Variants in COL23A1 observed in about 807,000 individuals in gnomAD.
The protein encoded by COL23A1 is collagen type XXIII alpha 1 chain.
A neutral mutation model predicts 99.3 loss-of-function variants in COL23A1; 97 were observed. That is an observed-to-expected ratio of 0.98 (90% CI 0.83 to 1.16). The LOEUF (loss-of-function observed/expected upper bound fraction) is 1.16. Ranked by LOEUF, COL23A1 falls within the 50% of genes most tolerant of loss-of-function variation. The probability of loss-of-function intolerance (pLI) is 0.00; values close to 1 mark genes in which losing one functional copy is unlikely to be tolerated. For missense variants in COL23A1, 762 were observed against 757.4 expected (o/e 1.01, Z -0.07); for synonymous variants, 320 against 308.2 (o/e 1.04, Z -0.40).
At chr5:178,345,613 T>C (rs1760923191) in intron 2 of COL23A1, among the ~76,000 whole-genome samples, 3 of 151,740 alleles carry the variant, frequency 2.0e-5, no homozygotes, top group South Asian at 4.2e-4. Flanking sequence ...GCCTCCTGGG[T>C]TCACGCCATT....
chr5:178,419,382 G>A (rs953932656), intron 2 of COL23A1, among the ~76,000 whole-genome samples: 1 of 152,222 alleles, frequency 6.6e-6, no homozygotes, highest in Non-Finnish European at 1.5e-5. Flanking sequence ...TCTCTCCCAT[G>A]CAAAGCTGAG....
chr5:178,464,038 C>T (rs1040323920), intron 2 of COL23A1, among the ~76,000 whole-genome samples: 5 of 152,190 alleles, frequency 3.3e-5, no homozygotes, highest in Non-Finnish European at 5.9e-5. Context: ...GTTCACCTAC[C>T]CCCTTTTACT....
At chr5:178,278,894 G>A (rs1756738985) in intron 5 of COL23A1, among the ~76,000 whole-genome samples, 1 of 152,130 alleles carries the variant, frequency 6.6e-6, no homozygotes, top group Non-Finnish European at 1.5e-5. Flanking sequence ...CAGCTGTGAC[G>A]CGCTGGGCCA....
intron 3 of COL23A1, among the ~76,000 whole-genome samples, chr5:178,292,065 T>C (rs1470391593): frequency 6.6e-6 from 1 of 152,168 alleles, no homozygotes; most frequent in East Asian, 1.9e-4. Flanking sequence ...TGTATACATC[T>C]GTGCCTGTAC....
chr5:178,436,458 G>A (rs1034579660), intron 2 of COL23A1, among the ~76,000 whole-genome samples: 1 of 152,156 alleles, frequency 6.6e-6, no homozygotes, highest in African/African-American at 2.4e-5. Context: ...AGGAAGAGCA[G>A]GTGCAGAGGG....
At chr5:178,404,332 G>A (rs1260313919) in intron 2 of COL23A1, among the ~76,000 whole-genome samples, 1 of 152,174 alleles carries the variant, frequency 6.6e-6, no homozygotes, top group Non-Finnish European at 1.5e-5. Context: ...CACAGGTGTG[G>A]ATGCAGCAAG....
intron 2 of COL23A1, among the ~76,000 whole-genome samples, chr5:178,483,924 C>T (rs567334281): frequency 6.6e-6 from 1 of 152,262 alleles, no homozygotes; most frequent in African/African-American, 2.4e-5. Flanking sequence ...GGTACCGGCT[C>T]TGTGCTAGGC....
chr5:178,369,745 G>GC (rs34903668), intron 2 of COL23A1, among the ~76,000 whole-genome samples: 43,035 of 151,918 alleles, frequency 0.28, 8,339 homozygotes, highest in East Asian at 0.71. Context: ...TGATTGTAAG[G>GC]CCCCCCCAGC....
chr5:178,266,053 T>C (rs899124926), intron 8 of COL23A1, among the ~76,000 whole-genome samples: 6 of 152,168 alleles, frequency 3.9e-5, no homozygotes, highest in Non-Finnish European at 7.4e-5. Context: ...TTTAAATTTT[T>C]TTTTTTGGAG....
Position 178,306,923 on chromosome 5 carries a change from G to A in COL23A1, c.362-4C>T, listed in dbSNP as rs889906338. Reference sequence around the variant, plus strand: ...TTGCCGCGCCGTCCAGGGGGCCCTAGACAGGAAAACAAGAATGCATTCATT... The same window carrying A: ...TTGCCGCGCCGTCCAGGGGGCCCTAAACAGGAAAACAAGAATGCATTCATT... On this transcript the variant is annotated splice_polypyrimidine_tract_variant and splice_region_variant and intron_variant, in intron 2 of 28. Coordinates refer to ENST00000390654, the MANE Select transcript of COL23A1 (RefSeq NM_173465.4). This position sits in a 1 kb window ranked among gnomAD's most constrained non-coding sequence, Gnocchi z 4.1. The A allele has an allele frequency of 2.6e-6, 4 of 1,526,990 alleles. No individual in the cohort carries two copies. The highest frequency in any genetic ancestry group is 3.5e-6 in the Non-Finnish European group (4 of 1,136,580). 94.6% of individuals were successfully genotyped at this position (1,526,990 alleles called of 1,614,324 possible).
At chr5:178,254,825 T>G in intron 16 of COL23A1, 124 bp downstream of exon 16, 1 of 792,002 alleles carries the variant, frequency 1.3e-6, no homozygotes, top group South Asian at 1.6e-5. Context: ...ACAGCCGGGG[T>G]CTTTGTGCTA....
At chr5:178,456,015 T>C (rs999000458) in intron 2 of COL23A1, among the ~76,000 whole-genome samples, 8 of 152,212 alleles carry the variant, frequency 5.3e-5, no homozygotes, top group African/African-American at 1.9e-4. Flanking sequence ...ACCACATGAA[T>C]TGAAACAAAT....
chr5:178,505,452 T>C (rs191186324), intron 2 of COL23A1, among the ~76,000 whole-genome samples: 3 of 152,202 alleles, frequency 2.0e-5, no homozygotes, highest in East Asian at 3.9e-4. Flanking sequence ...GGTTTCATCA[T>C]GTTGGCCAGG....
chr5:178,286,811 CCGATGCT>C (rs1194153502), intron 5 of COL23A1, among the ~76,000 whole-genome samples: 2 of 152,184 alleles, frequency 1.3e-5, no homozygotes, highest in Non-Finnish European at 2.9e-5. Flanking sequence ...AGCATCCTCT[CCGATGCT>C]CGAGGCTGGT....
chr5:178,285,940 G>A (rs1316614099), intron 5 of COL23A1, among the ~76,000 whole-genome samples: 1 of 152,242 alleles, frequency 6.6e-6, no homozygotes, highest in Non-Finnish European at 1.5e-5. Context: ...TGAGCGGGGT[G>A]TCTGCCCCAC....
In COL23A1 at chr5:178,407,803, A is replaced by AG. The variant is rs1294492403; in HGVS notation, c.362-100885dup. ...TGAACAAACAGAGAGAAAATAGACT[A>AG]GGGAAAAAAAAGGAACAGAGCCGCA... On this transcript the variant is annotated intron_variant, in intron 2 of 28. Coordinates refer to ENST00000390654, the MANE Select transcript of COL23A1 (RefSeq NM_173465.4). 2.7e-5 allele frequency among the ~76,000 whole-genome samples: 4 copies of AG among 148,362 alleles called. No homozygotes were observed. In the East Asian group the frequency reaches 5.8e-4, roughly 21 times the overall value.
chr5:178,589,280 C>T lies in COL23A1; in HGVS notation c.294+624G>A, dbSNP rs1481931585. Reference sequence around the variant, plus strand: ...CACCGCCTGAAACCAGAATCCAGGTCCTCCACCCCCGATTGTTTCTCCTTC... The same window carrying T: ...CACCGCCTGAAACCAGAATCCAGGTTCTCCACCCCCGATTGTTTCTCCTTC... On this transcript the variant is annotated intron_variant, in intron 1 of 28. Transcript: ENST00000390654. The surrounding 1 kb of genome is among the most constrained non-coding windows in gnomAD (Gnocchi z 5.4). Among the ~76,000 whole-genome samples, 5 of 152,258 alleles carry T rather than the reference C, an allele frequency of 3.3e-5. No individual in the cohort carries two copies. Among genetic ancestry groups the T allele is most frequent in the South Asian group, 4.1e-4 (2 of 4,828 alleles).
chr5:178,263,184 G>A, intron 9 of COL23A1, 24 bp downstream of exon 9: 2 of 1,550,954 alleles, frequency 1.3e-6, no homozygotes, highest in Non-Finnish European at 1.8e-6. Flanking sequence ...GTCCTGCGTG[G>A]CCCAACTCCA....
intron 2 of COL23A1, among the ~76,000 whole-genome samples, chr5:178,337,734 C>T (rs1275856995): frequency 2.0e-5 from 3 of 149,552 alleles, no homozygotes; most frequent in Middle Eastern, 3.2e-3. Flanking sequence ...TCCACAGACA[C>T]CCCCCATCTT....
Sources: allele counts gnomAD v4.1 joint callset (sites outside exome capture counted in the v4.1 genomes callset), GRCh38; gene constraint gnomAD v4.1.1; non-coding constraint Gnocchi (gnomAD v3.1); transcripts MANE v1.5; gene names NCBI Gene and HGNC (gene_info 2026-07-23, HGNC 2026-07-21).